Variants in TPTE2 observed in about 807,000 individuals in gnomAD.
TPTE2 encodes the protein transmembrane phosphoinositide 3-phosphatase and tensin homolog 2.
A neutral mutation model predicts 78.6 loss-of-function variants in TPTE2; 53 were observed. The ratio of observed to expected loss-of-function variants is 0.67; its 90% confidence interval spans 0.54 to 0.85. The LOEUF (loss-of-function observed/expected upper bound fraction) is 0.85, where lower values mean the gene tolerates loss of function less well. Ranked by LOEUF, TPTE2 falls within the 40% of genes least tolerant of loss-of-function variation. The pLI is 0.00. For missense variants in TPTE2, 461 were observed against 623.0 expected (o/e 0.74, Z 2.77); for synonymous variants, 175 against 206.2 (o/e 0.85, Z 1.30).
chr13:19,426,558 T>C (rs1471344518), intron 17 of TPTE2, 41 bp from the exon 21 acceptor site: 1 of 1,259,986 alleles, frequency 7.9e-7, no homozygotes, highest in Middle Eastern at 1.9e-4. Context: ...CAAACCTAGA[T>C]AACGATAACA....
At chr13:19,474,701 G>C (rs1879830496) in intron 5 of TPTE2, among the ~76,000 whole-genome samples, 1 of 152,180 alleles carries the variant, frequency 6.6e-6, no homozygotes, top group Non-Finnish European at 1.5e-5. Flanking sequence ...TCCATAAATT[G>C]ATTAGACTAT....
chr13:19,440,824 T>A (rs1465777106), intron 13 of TPTE2, among the ~76,000 whole-genome samples: 5 of 149,722 alleles, frequency 3.3e-5, no homozygotes, highest in Admixed American at 1.3e-4. Context: ...CGGTGGCTCA[T>A]GCCTGTAATC....
intron 1 of TPTE2, among the ~76,000 whole-genome samples, chr13:19,515,570 G>A (rs1238497176): frequency 1.3e-5 from 2 of 152,170 alleles, no homozygotes; most frequent in African/African-American, 2.4e-5. Flanking sequence ...CAAGTTCTAA[G>A]TGGGTGTTCT....
intron 6 of TPTE2, among the ~76,000 whole-genome samples, chr13:19,472,475 A>C (rs1879684991): frequency 6.6e-6 from 1 of 152,218 alleles, no homozygotes; most frequent in Non-Finnish European, 1.5e-5. Context: ...TGTGCCAATT[A>C]CATTTTTTGG....
chr13:19,531,478 T>C (rs970070623), intron 1 of TPTE2, among the ~76,000 whole-genome samples: 1 of 151,844 alleles, frequency 6.6e-6, no homozygotes, highest in African/African-American at 2.4e-5. Context: ...AAGTAGAAAA[T>C]TTAAGTCATT....
intron 10 of TPTE2, among the ~76,000 whole-genome samples, chr13:19,459,521 G>A (rs1434674416): frequency 2.0e-5 from 3 of 152,206 alleles, no homozygotes; most frequent in African/African-American, 4.8e-5. Context: ...TAGAGCAGGT[G>A]TGCTGCATTG....
chr13:19,476,807 A>C (rs1314921428), intron 4 of TPTE2, among the ~76,000 whole-genome samples: 2 of 152,208 alleles, frequency 1.3e-5, no homozygotes, highest in Non-Finnish European at 2.9e-5. Flanking sequence ...GCAGTATAGC[A>C]ATACCTTGAA....
upstream of TPTE2, among the ~76,000 whole-genome samples, chr13:19,506,462 C>T (rs1465855997): frequency 2.6e-5 from 4 of 152,060 alleles, no homozygotes; most frequent in Non-Finnish European, 4.4e-5. Flanking sequence ...CGTGAGCCAC[C>T]GCACCTGGCC....
Position 19,493,436 on chromosome 13 carries a change from T to C in TPTE2, c.65+12A>G. 1 of 1,613,716 alleles carries C rather than the reference T, an allele frequency of 6.2e-7. No homozygotes were observed. The highest frequency in any genetic ancestry group is 8.5e-7 in the Non-Finnish European group (1 of 1,179,682). Reference sequence around the variant, plus strand: ...GCTGACGGGTGACTTTATTTAACTATTTATTACTTACCTTTCTTTCGCAGG... The same window carrying C: ...GCTGACGGGTGACTTTATTTAACTACTTATTACTTACCTTTCTTTCGCAGG... On this transcript the variant is annotated intron_variant, in intron 2 of 19. Transcript: ENST00000400230.
intron 10 of TPTE2, among the ~76,000 whole-genome samples, chr13:19,460,551 C>T (rs964566506): frequency 2.0e-5 from 3 of 152,134 alleles, no homozygotes; most frequent in African/African-American, 7.2e-5. Context: ...TTCTTAATTC[C>T]TATAGCCCTT....
intron 3 of TPTE2, among the ~76,000 whole-genome samples, chr13:19,485,902 G>T (rs1357828377): frequency 2.6e-5 from 4 of 151,984 alleles, no homozygotes; most frequent in African/African-American, 9.7e-5. Flanking sequence ...TATCTTTACT[G>T]AATTTCTCTT....
chr13:19,510,353 C>T (rs1470651145), intron 1 of TPTE2, among the ~76,000 whole-genome samples: 2 of 152,018 alleles, frequency 1.3e-5, no homozygotes, highest in African/African-American at 4.8e-5. Context: ...GAGGCTGCTC[C>T]CATTTATGGT....
chr13:19,541,081 T>A (rs1030890165), upstream of TPTE2, among the ~76,000 whole-genome samples: 4 of 152,208 alleles, frequency 2.6e-5, no homozygotes, highest in African/African-American at 4.8e-5. Flanking sequence ...GTTGGCAGGA[T>A]TCAGTTATCT....
the TPTE2 span, chr13:19,560,479 A>G: frequency 3.1e-6 from 5 of 1,598,516 alleles, no homozygotes; most frequent in Non-Finnish European, 4.3e-6. Context: ...ACCCGGCACC[A>G]GCACCTCCAT....
intron 1 of TPTE2, among the ~76,000 whole-genome samples, chr13:19,519,036 T>A (rs143313185): frequency 1.3e-5 from 2 of 152,142 alleles, no homozygotes; most frequent in African/African-American, 4.8e-5. Flanking sequence ...TATACTTTCA[T>A]GAATTTTACT....
Position 19,535,434 on chromosome 13 carries a change from G to T in TPTE2, c.-44+1162C>A, listed in dbSNP as rs1467635337. Reference sequence around the variant, plus strand: ...AAAATTTAAGGAATTCTCAGCAAATGTCTTATTTTTTAAAACACCAATGGT... The same window carrying T: ...AAAATTTAAGGAATTCTCAGCAAATTTCTTATTTTTTAAAACACCAATGGT... On this transcript the variant is annotated intron_variant, in intron 1 of 17. Transcript: ENST00000390680. This position sits in a 1 kb window ranked among gnomAD's most constrained non-coding sequence, Gnocchi z 5.1. Among the ~76,000 whole-genome samples, 1 of 151,718 alleles carries T rather than the reference G, an allele frequency of 6.6e-6. No homozygotes were observed. The highest frequency in any genetic ancestry group is 2.4e-5 in the African/African-American group (1 of 41,374).
At chr13:19,503,506 T>C (rs999123958), upstream of TPTE2, among the ~76,000 whole-genome samples, 2 of 152,230 alleles carry the variant, frequency 1.3e-5, no homozygotes, top group African/African-American at 4.8e-5. Context: ...CAGATTTAAA[T>C]AAACCTCTTT....
chr13:19,503,378 G>C, upstream of TPTE2: 2 of 1,265,058 alleles, frequency 1.6e-6, no homozygotes, highest in East Asian at 5.1e-5. Flanking sequence ...AACCAGTTAA[G>C]TTTTGACTAT....
rs535012982 is a variant in TPTE2, at chr13:19,524,333, G to A, written c.-44+12263C>T. 3.3e-4 allele frequency among the ~76,000 whole-genome samples: 50 copies of A among 152,164 alleles called. 1 individual carries two copies. Among genetic ancestry groups the A allele is most frequent in the African/African-American group, 1.2e-3 (49 of 41,508 alleles). ...GTTTTCTAACCAGCTTTACTCTTAGGCTGGAATTTGAATTTACACCATATT... is the reference window on the plus strand; with the variant it reads ...GTTTTCTAACCAGCTTTACTCTTAGACTGGAATTTGAATTTACACCATATT... On this transcript the variant is annotated intron_variant, in intron 1 of 17. Coordinates refer to the TPTE2 transcript ENST00000390680.
Sources: allele counts gnomAD v4.1 joint callset (sites outside exome capture counted in the v4.1 genomes callset), GRCh38; gene constraint gnomAD v4.1.1; non-coding constraint Gnocchi (gnomAD v3.1); transcripts MANE v1.5; gene names NCBI Gene and HGNC (gene_info 2026-07-23, HGNC 2026-07-21).